Variants in UGT2A1 observed in about 807,000 individuals in gnomAD.
UGT2A1 encodes the protein UDP glucuronosyltransferase family 2 member A1 complex locus, also known as UDP-glucuronosyltransferase 2A1.
Under a neutral mutation model 45.4 loss-of-function variants are expected in UGT2A1, and 61 were observed. That is an observed-to-expected ratio of 1.34 (90% confidence interval 1.09 to 1.66). The LOEUF (loss-of-function observed/expected upper bound fraction) is 1.66. UGT2A1 is among the 40% of genes most tolerant of loss of function. The pLI is 0.00. For synonymous variants in UGT2A1, 229 were observed against 196.2 expected (o/e 1.17, Z -1.40); for missense variants, 649 against 574.3 (o/e 1.13, Z -1.33).
At position 69,594,631 on chromosome 4, in the gene UGT2A1, G is replaced by A; in HGVS notation, c.1150C>T (p.His384Tyr). The A allele has an allele frequency of 6.2e-7, 1 of 1,614,080 alleles. No homozygotes were observed. The highest frequency in any genetic ancestry group is 8.5e-7 in the Non-Finnish European group (1 of 1,180,018). The part of the protein sequence containing the change: ...GTNGIYEAIY[H>Y]GVPMVGVPMF... ...GGAACTCCCACCATAGGGACTCCGT[G>A]GTAAATAGCTTCGTAGATCCCATTA... The change falls in exon 6 of 7, where the codon CAC becomes TAC. Residue 384 changes from histidine to tyrosine, a missense_variant. His to Tyr is a moderately conservative substitution (Grantham distance 83). Transcript: ENST00000286604.
chr4:69,639,380 G>C (rs1721921203), intron 2 of UGT2A1: 1 of 1,613,604 alleles, frequency 6.2e-7, no homozygotes, highest in Admixed American at 1.7e-5. Context: ...TGCTCTTCTT[G>C]TAGGAAACAG....
chr4:69,627,454 A>G (rs1721124836), intron 3 of UGT2A1, among the ~76,000 whole-genome samples: 2 of 129,456 alleles, frequency 1.5e-5, no homozygotes, highest in Admixed American at 1.5e-4. Context: ...TTCCATAGGC[A>G]GACAGGCAAG....
intron 3 of UGT2A1, among the ~76,000 whole-genome samples, chr4:69,626,755 CTG>C (rs1354232926): frequency 2.0e-5 from 3 of 151,772 alleles, no homozygotes; most frequent in Non-Finnish European, 4.4e-5. Context: ...GTTCATTGAA[CTG>C]TTTATACAGT....
intron 3 of UGT2A1, among the ~76,000 whole-genome samples, chr4:69,629,265 G>C (rs973939971): frequency 6.6e-6 from 1 of 151,990 alleles, no homozygotes; most frequent in Admixed American, 6.6e-5. Flanking sequence ...ACTATGAATA[G>C]CGTTCATTCA....
intron 3 of UGT2A1, among the ~76,000 whole-genome samples, chr4:69,634,540 G>A (rs923457555): frequency 4.6e-5 from 7 of 152,072 alleles, no homozygotes; most frequent in Non-Finnish European, 1.5e-5. Flanking sequence ...GTTGGATAGA[G>A]GGGGAAGGTT....
intron 3 of UGT2A1, among the ~76,000 whole-genome samples, chr4:69,626,424 A>G (rs111852464): frequency 0.029 from 4,407 of 151,494 alleles, 216 homozygotes; most frequent in African/African-American, 0.1. Context: ...TTATTGGACC[A>G]CCTACTATTT....
rs1021063893 is a variant in UGT2A1, at chr4:69,603,886, G to A, written c.848-4492C>T. 2.9e-5 allele frequency among the ~76,000 whole-genome samples: 4 copies of A among 135,962 alleles called. 1 individual carries two copies. The highest frequency in any genetic ancestry group is 9.0e-5 in the African/African-American group (3 of 33,494). The allele number at this position is 135,962 out of a possible 152,430, so 89.2% of individuals were successfully genotyped here. On this transcript the variant is annotated intron_variant, in intron 3 of 6. Coordinates refer to ENST00000286604, the MANE Select transcript of UGT2A1 (RefSeq NM_001252275.3). ...TAGAGAAAAAAGAATAAAAAGAAACGAACAAAGCCTCCAAGAAATATGGGA... is the reference window on the plus strand; with the variant it reads ...TAGAGAAAAAAGAATAAAAAGAAACAAACAAAGCCTCCAAGAAATATGGGA...
intron 6 of UGT2A1, 32 bp downstream of exon 6, chr4:69,594,444 GT>G: frequency 1.2e-6 from 2 of 1,605,296 alleles, no homozygotes; most frequent in Non-Finnish European, 8.5e-7. Context: ...TGTAATTAAA[GT>G]TAGGCAAGTT....
rs1284563368 is a variant in UGT2A1, at chr4:69,647,302, T to C, written c.343A>G (p.Ile115Val). The change falls in exon 2 of 7, where the codon ATC becomes GTC. Residue 115 changes from isoleucine (I) to valine (V), a missense_variant. Physicochemically the swap from Ile to Val is conservative, Grantham distance 29. Transcript: ENST00000286604. ...TGAGACACCATGTGGAAGTCCTTGA[T>C]TACTTTGGCCATCTCCTGATAGAAT... ...WRFYQEMAKVIKDFHMVSQEI... is the reference protein window; with the variant it reads ...WRFYQEMAKVVKDFHMVSQEI... 1 of 1,613,368 alleles carries C rather than the reference T, an allele frequency of 6.2e-7. No individual in the cohort carries two copies. The highest frequency in any genetic ancestry group is 8.5e-7 in the Non-Finnish European group (1 of 1,179,534).
intron 3 of UGT2A1, among the ~76,000 whole-genome samples, chr4:69,610,695 G>T (rs554408759): frequency 4.3e-4 from 65 of 152,238 alleles, no homozygotes; most frequent in Non-Finnish European, 8.1e-4. Flanking sequence ...AAGAGGAAGT[G>T]ACACCAGGAA....
intron 1 of UGT2A1, among the ~76,000 whole-genome samples, chr4:69,652,337 G>A (rs191432360): frequency 1.6e-3 from 222 of 141,396 alleles, no homozygotes; most frequent in Non-Finnish European, 2.4e-3. Flanking sequence ...AAGCTGGAGT[G>A]CAAGGGCATA....
intron 2 of UGT2A1, chr4:69,639,529 C>T (rs1467701138): frequency 3.7e-6 from 6 of 1,613,126 alleles, no homozygotes; most frequent in Non-Finnish European, 5.1e-6. Flanking sequence ...TGGCTACCAT[C>T]TGTAGGCCAA....
At chr4:69,648,329 A>G (rs1267309634) in intron 1 of UGT2A1, among the ~76,000 whole-genome samples, 4 of 151,368 alleles carry the variant, frequency 2.6e-5, no homozygotes, top group Admixed American at 2.6e-4. Context: ...TTATAAATAA[A>G]TGAATAAAAT....
chr4:69,650,780 G>A (rs992520647), intron 1 of UGT2A1, among the ~76,000 whole-genome samples: 1 of 151,890 alleles, frequency 6.6e-6, no homozygotes, highest in South Asian at 2.1e-4. Context: ...AATTAACAAG[G>A]GCCTTCAGAT....
In UGT2A1 at chr4:69,595,068, A is replaced by C. The variant is rs1431937329; in HGVS notation, c.1084+94T>G. ...AATTGAGTGTCAAATAACATTTTAA[A>C]TTATTAAAAATGTATTGAATTTATT... is the stretch of plus-strand genomic sequence containing the variant. On this transcript the variant is annotated intron_variant, in intron 5 of 6. Transcript: ENST00000286604. The C allele has an allele frequency of 2.0e-6, 3 of 1,470,584 alleles. No homozygotes were observed. The African/African-American group carries it at 4.2e-5, about 21-fold the overall frequency. 91.1% of individuals were successfully genotyped at this position (1,470,584 alleles called of 1,614,324 possible).
chr4:69,639,657 C>T, intron 2 of UGT2A1: 1 of 1,523,048 alleles, frequency 6.6e-7, no homozygotes, highest in Non-Finnish European at 8.8e-7. Context: ...GTAGATCCTT[C>T]AAGATGAAAA....
chr4:69,643,238 A>T (rs918385853), intron 2 of UGT2A1, among the ~76,000 whole-genome samples: 1 of 151,678 alleles, frequency 6.6e-6, no homozygotes, highest in Non-Finnish European at 1.5e-5. Context: ...ATAGAATAGC[A>T]GATTTTAAAA....
intron 2 of UGT2A1, among the ~76,000 whole-genome samples, chr4:69,639,998 T>G (rs570983140): frequency 6.6e-6 from 1 of 152,180 alleles, no homozygotes; most frequent in South Asian, 2.1e-4. Flanking sequence ...TTTTAGATTA[T>G]ATGGATTATA....
chr4:69,620,378 C>CAA (rs746270443), intron 3 of UGT2A1, among the ~76,000 whole-genome samples: 10,361 of 151,774 alleles, frequency 0.068, 401 homozygotes, highest in African/African-American at 0.1. Flanking sequence ...ATCCCATTCA[C>CAA]AATTGCTAAA....
Sources: gnomAD v4.1 joint callset for allele counts (sites outside exome capture counted in the v4.1 genomes callset) on GRCh38, gnomAD v4.1.1 for gene constraint, MANE v1.5 for transcripts, NCBI Gene and HGNC (gene_info 2026-07-23, HGNC 2026-07-21) for gene names.